COL25A1: variants seen among roughly 807,000 people sequenced by gnomAD.
The protein encoded by COL25A1 is collagen alpha-1(XXV) chain.
Under a neutral mutation model 128.4 loss-of-function variants are expected in COL25A1, and 103 were observed. The ratio of observed to expected loss-of-function variants is 0.80; its 90% CI spans 0.68 to 0.94. The LOEUF is 0.94. Among genes scored for constraint, COL25A1 ranks in the 40% least tolerant of loss-of-function variants. The pLI, the probability that COL25A1 is intolerant of heterozygous loss-of-function variation, is 0.00. For missense variants in COL25A1, 745 were observed against 840.0 expected (o/e 0.89, Z 1.40); for synonymous variants, 279 against 277.2 (o/e 1.01, Z -0.06).
At chr4:109,286,256 T>C (rs971061474) in intron 3 of COL25A1, among the ~76,000 whole-genome samples, 2 of 152,174 alleles carry the variant, frequency 1.3e-5, no homozygotes, top group Non-Finnish European at 2.9e-5. Flanking sequence ...GTTATATGCA[T>C]GGAATCATTT....
intron 3 of COL25A1, among the ~76,000 whole-genome samples, chr4:109,231,390 A>ACTTC (rs1779155609): frequency 6.6e-6 from 1 of 152,172 alleles, no homozygotes; most frequent in Non-Finnish European, 1.5e-5. Flanking sequence ...ATTTAGTTCA[A>ACTTC]CTTCCTCATT....
intron 6 of COL25A1, among the ~76,000 whole-genome samples, chr4:108,982,600 G>A (rs1753101942): frequency 6.6e-6 from 1 of 152,158 alleles, no homozygotes; most frequent in African/African-American, 2.4e-5. Context: ...TTATTATAGT[G>A]TCAAACTCTG....
intron 3 of COL25A1, among the ~76,000 whole-genome samples, chr4:109,172,543 C>G (rs1773692032): frequency 6.6e-6 from 1 of 151,896 alleles, no homozygotes; most frequent in Non-Finnish European, 1.5e-5. Flanking sequence ...GGACGATAAT[C>G]CATCTTGATT....
chr4:109,123,809 C>T (rs1029476372), intron 3 of COL25A1, among the ~76,000 whole-genome samples: 1 of 152,066 alleles, frequency 6.6e-6, no homozygotes, highest in African/African-American at 2.4e-5. Context: ...CTACAGCCAT[C>T]ACGGATTATT....
chr4:109,283,413 A>AT (rs1172747874), intron 3 of COL25A1, among the ~76,000 whole-genome samples: 2 of 151,544 alleles, frequency 1.3e-5, no homozygotes, highest in Non-Finnish European at 2.9e-5. Context: ...TACCAGGCTA[A>AT]TTTTTTTTCT....
chr4:109,171,542 A>G (rs1773587913), intron 3 of COL25A1, among the ~76,000 whole-genome samples: 1 of 152,202 alleles, frequency 6.6e-6, no homozygotes, highest in Non-Finnish European at 1.5e-5. Context: ...GACACAGACT[A>G]ATTTCATTTT....
chr4:108,840,451 G>A (rs1345116586), intron 31 of COL25A1, among the ~76,000 whole-genome samples: 1 of 152,022 alleles, frequency 6.6e-6, no homozygotes, highest in Non-Finnish European at 1.5e-5. Flanking sequence ...TGGAAGGTAA[G>A]GTAGTCTAAG....
chr4:108,958,788 A>C (rs1361470770), intron 8 of COL25A1, among the ~76,000 whole-genome samples: 1 of 152,070 alleles, frequency 6.6e-6, no homozygotes, highest in Admixed American at 6.6e-5. Context: ...AGATAACATA[A>C]ATTCTGTTGG....
At chr4:109,067,386 A>G (rs1013387079) in intron 3 of COL25A1, among the ~76,000 whole-genome samples, 1 of 152,220 alleles carries the variant, frequency 6.6e-6, no homozygotes, top group African/African-American at 2.4e-5. Flanking sequence ...CCCCTACCCC[A>G]GCACTTTTAA....
At chr4:108,849,083 C>CTGA (rs58021973) in intron 26 of COL25A1, among the ~76,000 whole-genome samples, 2,900 of 152,196 alleles carry the variant, frequency 0.019, 67 homozygotes, top group African/African-American at 0.061. Context: ...TCAAGGAAAA[C>CTGA]TGATAGACAC....
intron 3 of COL25A1, among the ~76,000 whole-genome samples, chr4:109,191,164 C>CT (rs1421361771): frequency 6.6e-6 from 1 of 152,100 alleles, no homozygotes; most frequent in Non-Finnish European, 1.5e-5. Flanking sequence ...AACCATGCTT[C>CT]TTGGTTTTGT....
At chr4:109,130,138 T>C (rs1769044881) in intron 3 of COL25A1, among the ~76,000 whole-genome samples, 1 of 152,098 alleles carries the variant, frequency 6.6e-6, no homozygotes, top group Non-Finnish European at 1.5e-5. Context: ...TACATATATA[T>C]ATGTTAATTA....
intron 3 of COL25A1, among the ~76,000 whole-genome samples, chr4:109,058,027 T>C (rs1761610296): frequency 6.6e-6 from 1 of 152,150 alleles, no homozygotes. Context: ...TTTCCAGAAA[T>C]GGAATTCCAG....
intron 3 of COL25A1, among the ~76,000 whole-genome samples, chr4:109,127,519 G>C (rs2126063311): frequency 6.6e-6 from 1 of 151,854 alleles, no homozygotes; most frequent in South Asian, 2.1e-4. Flanking sequence ...ATAGATACAG[G>C]GTCTCTCTAT....
At chr4:109,072,629 C>T (rs1479627815) in intron 3 of COL25A1, among the ~76,000 whole-genome samples, 1 of 152,202 alleles carries the variant, frequency 6.6e-6, no homozygotes, top group Non-Finnish European at 1.5e-5. Context: ...TTTCTAAGGT[C>T]TGTAACACAG....
intron 5 of COL25A1, among the ~76,000 whole-genome samples, chr4:109,024,939 A>G (rs1471473704): frequency 6.6e-6 from 1 of 152,216 alleles, no homozygotes; most frequent in Non-Finnish European, 1.5e-5. Context: ...GAAGAGTTAT[A>G]CAGTTAAACA....
intron 3 of COL25A1, among the ~76,000 whole-genome samples, chr4:109,181,666 T>G (rs535558458): frequency 2.4e-4 from 36 of 152,252 alleles, no homozygotes; most frequent in African/African-American, 8.7e-4. Context: ...ATTGAGCTAA[T>G]AATTAACAAA....
At chr4:109,080,275 T>C (rs1349173904) in intron 3 of COL25A1, among the ~76,000 whole-genome samples, 1 of 152,184 alleles carries the variant, frequency 6.6e-6, no homozygotes, top group African/African-American at 2.4e-5. Context: ...GTAGTAGAGT[T>C]AGGAAGTCTG....
At chr4:109,005,480 A>G in intron 6 of COL25A1, among the ~76,000 whole-genome samples, 1 of 152,168 alleles carries the variant, frequency 6.6e-6, no homozygotes, top group African/African-American at 2.4e-5. Context: ...TTTGTTTGGA[A>G]ACCTAATTAG....
Sources: gnomAD v4.1 joint callset for allele counts (sites outside exome capture counted in the v4.1 genomes callset) on GRCh38, gnomAD v4.1.1 for gene constraint, MANE v1.5 for transcripts, NCBI Gene and HGNC (gene_info 2026-07-23, HGNC 2026-07-21) for gene names.